The following ASIC4 variants were observed in gnomAD, a reference collection of about 807,000 sequenced individuals.
ASIC4 encodes the protein acid sensing ion channel subunit family member 4.
ASIC4 carries 28 observed loss-of-function variants against 53.4 expected under a neutral mutation model. That is an observed-to-expected ratio of 0.52 (90% confidence interval 0.39 to 0.72). The LOEUF is 0.72. Ranked by LOEUF, ASIC4 falls within the 30% of genes least tolerant of loss-of-function variation. ASIC4 has a pLI of 0.00. For missense variants in ASIC4, 649 were observed against 729.7 expected (o/e 0.89, Z 1.27); for synonymous variants, 289 against 301.4 (o/e 0.96, Z 0.43).
At chr2:219,526,165 G>A (rs1050593849) in intron 1 of ASIC4, among the ~76,000 whole-genome samples, 3 of 152,008 alleles carry the variant, frequency 2.0e-5, no homozygotes, top group East Asian at 1.9e-4. Context: ...CTGGAGAAAC[G>A]GAAGCTGTGA....
intron 1 of ASIC4, among the ~76,000 whole-genome samples, chr2:219,527,537 T>C (rs1037969875): frequency 2.6e-5 from 4 of 151,790 alleles, no homozygotes; most frequent in African/African-American, 9.7e-5. Context: ...CCTCCGAGAG[T>C]CAGGAGCCTC....
intron 5 of ASIC4, chr2:219,533,896 G>A (rs536153096): frequency 1.6e-4 from 24 of 152,430 alleles, no homozygotes; most frequent in African/African-American, 5.3e-4. Context: ...AACTGGGTGT[G>A]GTGGTGCACA....
chr2:219,536,929 C>A lies in ASIC4; in HGVS notation c.1230-137C>A. ...CATCCGGGACTGCCTCCCCTCACAG[C>A]CTTGGGGAGTCCGGGGGGTAGTCAC... On this transcript the variant is annotated intron_variant, in intron 6 of 9. Coordinates refer to ENST00000358078, the MANE Select transcript of ASIC4 (RefSeq NM_018674.6). The surrounding 1 kb of genome is among the most constrained non-coding windows in gnomAD (Gnocchi z 4.6). 1.4e-6 allele frequency: 1 copy of A among 716,132 alleles called. No homozygotes were observed. The highest frequency in any genetic ancestry group is 1.7e-5 in the South Asian group (1 of 57,438). The allele number at this position is 716,132 out of a possible 1,614,324, so 44.4% of individuals were successfully genotyped here. A position where few individuals can be genotyped will look rare whatever the true frequency, so the allele number is the denominator to read the frequency against.
upstream of ASIC4, among the ~76,000 whole-genome samples, chr2:219,510,890 G>A (rs758076829): frequency 4.6e-5 from 7 of 151,786 alleles, no homozygotes; most frequent in East Asian, 5.8e-4. The surrounding 1 kb of genome is among the most constrained non-coding windows in gnomAD (Gnocchi z 5.2). Context: ...CCTCGTCCGC[G>A]GCATAAATAA....
the ASIC4 span, among the ~76,000 whole-genome samples, chr2:219,508,930 G>C: frequency 1.3e-5 from 2 of 148,732 alleles, no homozygotes; most frequent in African/African-American, 4.9e-5. Context: ...GGCCGGGGAG[G>C]GGGGTGGGTC....
chr2:219,532,365 C>T lies in ASIC4; in HGVS notation c.906C>T (p.Leu302=), dbSNP rs760931120. ...PWGNCRAESE[L]REPELQGYSA... is the part of the protein sequence containing the mutation. ...GCAACTGCCGCGCAGAGAGTGAGCT[C>T]AGGGAGCCTGAGCTTCAGGGCTACT... The change falls in exon 4 of 10, where the codon CTC becomes CTT. Residue 302 remains leucine, a synonymous_variant. Transcript: ENST00000358078. The T allele has an allele frequency of 1.2e-6, 2 of 1,614,000 alleles. No individual in the cohort carries two copies. The highest frequency in any genetic ancestry group is 1.7e-6 in the Non-Finnish European group (2 of 1,179,884).
upstream of ASIC4, among the ~76,000 whole-genome samples, chr2:219,510,350 C>G (rs914095386): frequency 6.6e-6 from 1 of 152,180 alleles, no homozygotes; most frequent in Non-Finnish European, 1.5e-5. The surrounding 1 kb of genome is among the most constrained non-coding windows in gnomAD (Gnocchi z 5.2). Context: ...ACCAGCACCC[C>G]CTCCCGGCCA....
At chr2:219,526,576 CA>C (rs962603162) in intron 1 of ASIC4, among the ~76,000 whole-genome samples, 92 of 152,184 alleles carry the variant, frequency 6.0e-4, no homozygotes, top group African/African-American at 2.1e-3. Context: ...GATAACTGAT[CA>C]GGGGCAGGGA....
the ASIC4 span, among the ~76,000 whole-genome samples, chr2:219,508,044 G>A: frequency 1.3e-5 from 2 of 152,204 alleles, no homozygotes; most frequent in Non-Finnish European, 2.9e-5. Context: ...TACACAGTGT[G>A]GGGTTTAGCA....
At chr2:219,510,676 G>A (rs1694688808), upstream of ASIC4, among the ~76,000 whole-genome samples, 1 of 152,190 alleles carries the variant, frequency 6.6e-6, no homozygotes, top group African/African-American at 2.4e-5. This position sits in a 1 kb window ranked among gnomAD's most constrained non-coding sequence, Gnocchi z 5.2. Flanking sequence ...GTACCCGAAA[G>A]GAGATGGGAA....
upstream of ASIC4, chr2:219,514,089 C>G: frequency 1.9e-6 from 1 of 521,050 alleles, no homozygotes; most frequent in South Asian, 3.1e-5. Context: ...GGGTGTGGGC[C>G]AGGAAAGTGG....
chr2:219,531,016 A>G (rs1695032858), intron 1 of ASIC4, among the ~76,000 whole-genome samples: 1 of 152,102 alleles, frequency 6.6e-6, no homozygotes, highest in African/African-American at 2.4e-5. Flanking sequence ...GGGTTGCTGG[A>G]GAAGGAAGGA....
chr2:219,513,189 C>T (rs1308009008), upstream of ASIC4, among the ~76,000 whole-genome samples: 1 of 152,136 alleles, frequency 6.6e-6, no homozygotes, highest in Non-Finnish European at 1.5e-5. Flanking sequence ...CCCCGCCCGT[C>T]CACGCTTCCT....
chr2:219,534,925 C>A (rs192201509), intron 5 of ASIC4, among the ~76,000 whole-genome samples: 31 of 152,260 alleles, frequency 2.0e-4, no homozygotes, highest in Non-Finnish European at 3.1e-4. Context: ...GACCCCCCCC[C>A]AGTCCCAGGG....
At chr2:219,529,520 C>G (rs1031031178) in intron 1 of ASIC4, among the ~76,000 whole-genome samples, 1 of 152,184 alleles carries the variant, frequency 6.6e-6, no homozygotes, top group Non-Finnish European at 1.5e-5. Flanking sequence ...CCATTCCTGT[C>G]TCATCTACCT....
upstream of ASIC4, among the ~76,000 whole-genome samples, chr2:219,513,731 T>C (rs1305040310): frequency 6.6e-6 from 1 of 152,246 alleles, no homozygotes; most frequent in East Asian, 1.9e-4. Context: ...ATATGCAAGC[T>C]GGCCAGGGTG....
Position 219,535,250 on chromosome 2 carries a change from C to G in ASIC4, c.1155C>G (p.Ser385=). The change falls in exon 6 of 10, where the codon TCC becomes TCG. Residue 385 remains serine, a synonymous_variant. Transcript: ENST00000358078. ...TGACACGCTATGGGAAAGAGATCTC[C>G]ATGGTCAGGATCCCCAACAGGGGCT... ...CNLTRYGKEI[S]MVRIPNRGSA... The G allele has an allele frequency of 6.2e-7, 1 of 1,614,046 alleles. No individual in the cohort carries two copies. Among genetic ancestry groups the G allele is most frequent in the Non-Finnish European group, 8.5e-7 (1 of 1,179,968 alleles).
Position 219,537,091 on chromosome 2 carries a change from T to C in ASIC4, c.1255T>C (p.Phe419Leu). The change falls in exon 7 of 10, where the codon TTC becomes CTC. Residue 419 changes from phenylalanine to leucine, a missense_variant. Physicochemically the swap from Phe to Leu is conservative, Grantham distance 22 (BLOSUM62 0). Transcript: ENST00000358078. The surrounding 1 kb of genome is among the most constrained non-coding windows in gnomAD (Gnocchi z 4.9). ...GGAGAACTTCCTGGTCCTAGATGTC[T>C]TCTTTGAGGCCCTGACCTCTGAAGC... ...IRENFLVLDV[F>L]FEALTSEAME... 1.2e-6 allele frequency: 2 copies of C among 1,614,128 alleles called. No homozygotes were observed. Among genetic ancestry groups the C allele is most frequent in the South Asian group, 1.1e-5 (1 of 91,082 alleles).
rs1249383613 is a variant in ASIC4 at position 219,515,283 on chromosome 2, T to C, written c.559T>C (p.Cys187Arg). The C allele has an allele frequency of 6.2e-7, 1 of 1,611,448 alleles. No individual in the cohort carries two copies. Among genetic ancestry groups the C allele is most frequent in the South Asian group, 1.1e-5 (1 of 90,966 alleles). ...GAGCTGCAACTTCAGTGGGCATCAC[T>C]GCTCCGCCAGCAACTTCTCTGTGGT... ...LKSCNFSGHH[C>R]SASNFSVVYT... Residue 187 changes from cysteine to arginine, a missense_variant, in exon 1 of 10, where the codon TGC becomes CGC. By Grantham distance (180) the Cys-to-Arg change is radical. Coordinates refer to ENST00000358078, the MANE Select transcript of ASIC4 (RefSeq NM_018674.6).
Sources: allele counts gnomAD v4.1 joint callset (sites outside exome capture counted in the v4.1 genomes callset), GRCh38; gene constraint gnomAD v4.1.1; non-coding constraint Gnocchi (gnomAD v3.1); transcripts MANE v1.5; gene names NCBI Gene and HGNC (gene_info 2026-07-23, HGNC 2026-07-21).